The following RBMX2 variants were observed in gnomAD, a reference collection of about 807,000 sequenced individuals.
RBMX2 encodes RNA-binding motif protein, X-linked 2.
For missense variants in RBMX2, 191 were observed against 256.0 expected (o/e 0.75, Z 1.73); for synonymous variants, 77 against 94.3 (o/e 0.82, Z 1.07).
Position 130,413,039 on chromosome X carries a change from T to C in RBMX2, c.*191T>C. On this transcript the variant is annotated 3_prime_UTR_variant, in exon 6 of 6. Transcript: ENST00000305536. ...TCCTGGATATTGTTTGCACCATCCATTGTCCCTGTACCAGAGTATGTATCC... is the reference window on the plus strand; with the variant it reads ...TCCTGGATATTGTTTGCACCATCCACTGTCCCTGTACCAGAGTATGTATCC... 1 of 421,261 alleles carries C rather than the reference T, an allele frequency of 2.4e-6. No individual in the cohort carries two copies. Among genetic ancestry groups the C allele is most frequent in the Non-Finnish European group, 4.0e-6 (1 of 251,971 alleles). 34.7% of individuals were successfully genotyped at this position (421,261 alleles called of 1,213,427 possible). A position where few individuals can be genotyped will look rare whatever the true frequency, so the allele number is the denominator to read the frequency against.
Position 130,413,651 on chromosome X carries a change from A to G in RBMX2, c.*803A>G, listed in dbSNP as rs2034526612. On this transcript the variant is annotated 3_prime_UTR_variant, in exon 6 of 6. Transcript: ENST00000305536. ...CTGGATCTTTCATAAAAATGGAATT[A>G]CACAATTGTGGCCTTTTGTGTCTGG... Among the ~76,000 whole-genome samples the G allele has an allele frequency of 9.5e-6, 1 of 105,337 alleles. No homozygotes were observed. The highest frequency in any genetic ancestry group is 1.9e-5 in the Non-Finnish European group (1 of 51,866). 91.5% of individuals were successfully genotyped at this position (105,337 alleles called of 115,157 possible). A position where few individuals can be genotyped will look rare whatever the true frequency, so the allele number is the denominator to read the frequency against.
chrX:130,402,048 A>C lies in RBMX2; in HGVS notation c.5+11A>C. ...ACCCGAGGAGATGAAGTAAGGCGTC[A>C]GCTTCCTTTTGAGGAAGGAGCAGCG... On this transcript the variant is annotated intron_variant, in intron 1 of 5. Coordinates refer to ENST00000305536, the MANE Select transcript of RBMX2 (RefSeq NM_016024.4). 4.2e-6 allele frequency: 5 copies of C among 1,198,740 alleles called. No individual in the cohort carries two copies. Among genetic ancestry groups the C allele is most frequent in the Non-Finnish European group, 4.5e-6 (4 of 888,768 alleles).
chrX:130,412,898 A>G lies in RBMX2; in HGVS notation c.*50A>G, dbSNP rs1256226876. On this transcript the variant is annotated 3_prime_UTR_variant, in exon 6 of 6. Coordinates refer to ENST00000305536, the MANE Select transcript of RBMX2 (RefSeq NM_016024.4). ...GGAAATAATTATGTTTTTTAAATGC[A>G]GTCAAATTCAGTTGGGTGGTTACTA... The G allele has an allele frequency of 9.1e-7, 1 of 1,097,482 alleles. No individual in the cohort carries two copies. Among genetic ancestry groups the G allele is most frequent in the African/African-American group, 1.9e-5 (1 of 53,708 alleles). 90.4% of individuals were successfully genotyped at this position (1,097,482 alleles called of 1,213,427 possible). A position where few individuals can be genotyped will look rare whatever the true frequency, so the allele number is the denominator to read the frequency against.
At chrX:130,402,198 C>T (rs866379651) in intron 1 of RBMX2, 57 bp from the exon 2 acceptor site, 5 of 1,178,801 alleles carry the variant, frequency 4.2e-6, no homozygotes, top group South Asian at 3.8e-5. Context: ...CCGGCCGGTT[C>T]GCACTTACTT....
In RBMX2 at chrX:130,413,467, C is replaced by T. The variant is rs902273541; in HGVS notation, c.*619C>T. ...TTCAGTGGCATTTGGTACTGAACAT[C>T]CACAGTGTTGTGTAACCATTGCCTC... is the stretch of plus-strand genomic sequence containing the variant. On this transcript the variant is annotated 3_prime_UTR_variant, in exon 6 of 6. Coordinates refer to ENST00000305536, the MANE Select transcript of RBMX2 (RefSeq NM_016024.4). The T allele has an allele frequency of 4.5e-5, 5 of 111,242 alleles. No individual in the cohort carries two copies. Among genetic ancestry groups the T allele is most frequent in the African/African-American group, 1.6e-4 (5 of 30,522 alleles). 9.2% of individuals were successfully genotyped at this position (111,242 alleles called of 1,213,427 possible).
chrX:130,402,017 G>C lies in RBMX2; in HGVS notation c.-16G>C. ...CCGGGCGCTGATTCCTGAGTGCTGA[G>C]CGCGAACCCGAGGAGATGAAGTAAG... On this transcript the variant is annotated 5_prime_UTR_variant, in exon 1 of 6. Coordinates refer to ENST00000305536, the MANE Select transcript of RBMX2 (RefSeq NM_016024.4). The C allele has an allele frequency of 8.4e-7, 1 of 1,196,695 alleles. No homozygotes were observed.
intron 3 of RBMX2, among the ~76,000 whole-genome samples, chrX:130,405,362 G>A (rs2034478763): frequency 9.2e-6 from 1 of 108,142 alleles, no homozygotes; most frequent in East Asian, 2.9e-4. Flanking sequence ...CTGGGGGATA[G>A]AGCAAGACTC....
intron 2 of RBMX2, among the ~76,000 whole-genome samples, chrX:130,402,591 C>G (rs1417055102): frequency 8.9e-6 from 1 of 112,114 alleles, no homozygotes; most frequent in Non-Finnish European, 1.9e-5. Flanking sequence ...TTGCCATTTG[C>G]TGTGCTAAGG....
At chrX:130,409,642 C>G (rs2034502642) in intron 4 of RBMX2, among the ~76,000 whole-genome samples, 1 of 111,822 alleles carries the variant, frequency 8.9e-6, no homozygotes, top group African/African-American at 3.3e-5. Context: ...AGGCCTGCCT[C>G]TCATCCAGGC....
At chrX:130,405,126 C>G (rs2034477607) in intron 3 of RBMX2, among the ~76,000 whole-genome samples, 1 of 111,882 alleles carries the variant, frequency 8.9e-6, no homozygotes, top group Admixed American at 9.5e-5. Flanking sequence ...CGCTTGTAAT[C>G]CCAGCACTTT....
chrX:130,410,891 T>C (rs1456591836), intron 4 of RBMX2, among the ~76,000 whole-genome samples: 1 of 112,103 alleles, frequency 8.9e-6, no homozygotes, highest in East Asian at 2.8e-4. Flanking sequence ...GAGAAAGCAG[T>C]TGTAGCATTA....
chrX:130,411,603 ATCAAC>A lies in RBMX2; in HGVS notation c.481+83_481+87del. ...TCCTTGCATTCACTGATAGTTGATA[ATCAAC>A]TCAAGTGTGAAAGGGGAAGGTGTGG... On this transcript the variant is annotated intron_variant, in intron 5 of 5. Coordinates refer to ENST00000305536, the MANE Select transcript of RBMX2 (RefSeq NM_016024.4). 7 of 942,640 alleles carry A rather than the reference ATCAAC, an allele frequency of 7.4e-6. No individual in the cohort carries two copies. In the South Asian group the frequency reaches 1.9e-4, roughly 25 times the overall value. The allele number at this position is 942,640 out of a possible 1,213,427, so 77.7% of individuals were successfully genotyped here.
At chrX:130,409,985 T>G (rs968077440) in intron 4 of RBMX2, among the ~76,000 whole-genome samples, 2 of 112,595 alleles carry the variant, frequency 1.8e-5, no homozygotes, top group Non-Finnish European at 3.8e-5. Context: ...TCAGGCTTAT[T>G]GATGCTCCAT....
rs1225482116 is a variant in RBMX2 at position 130,412,881 on chromosome X, T to C, written c.*33T>C. The C allele has an allele frequency of 2.6e-6, 3 of 1,152,571 alleles. No individual in the cohort carries two copies. The highest frequency in any genetic ancestry group is 3.5e-6 in the Non-Finnish European group (3 of 865,164). The allele number at this position is 1,152,571 out of a possible 1,213,427, so 95.0% of individuals were successfully genotyped here. ...AGCTGCACAGTAGATTTGGAAATAA[T>C]TATGTTTTTTAAATGCAGTCAAATT... On this transcript the variant is annotated 3_prime_UTR_variant, in exon 6 of 6. Transcript: ENST00000305536.
At chrX:130,402,225 A>AGCCCCCCC in intron 1 of RBMX2, 30 bp from the exon 2 acceptor site, 29 of 984,766 alleles carry the variant, frequency 2.9e-5, no homozygotes, top group Non-Finnish European at 3.8e-5. Flanking sequence ...TTTTCTGCCT[A>AGCCCCCCC]CCCTCCCCAC....
rs894032621 is a variant in RBMX2, at chrX:130,403,974, G to A, written c.173+121G>A. On this transcript the variant is annotated intron_variant, in intron 3 of 5. Coordinates refer to ENST00000305536, the MANE Select transcript of RBMX2 (RefSeq NM_016024.4). Reference sequence around the variant, plus strand: ...TAGGCTGAATGGCATCCCTGCATGGGGAGGGCTGGAGCTTCTGTTCTAGAT... The same window carrying A: ...TAGGCTGAATGGCATCCCTGCATGGAGAGGGCTGGAGCTTCTGTTCTAGAT... The A allele has an allele frequency of 3.3e-5, 22 of 661,936 alleles. No individual in the cohort carries two copies. In the African/African-American group the frequency reaches 4.5e-4, roughly 13 times the overall value. 54.6% of individuals were successfully genotyped at this position (661,936 alleles called of 1,213,427 possible).
chrX:130,411,789 TCAG>T (rs2034513842), intron 5 of RBMX2, among the ~76,000 whole-genome samples: 1 of 110,797 alleles, frequency 9.0e-6, no homozygotes, highest in Admixed American at 9.5e-5. Context: ...AAGAGGTAAC[TCAG>T]GATGGGAATT....
Position 130,412,167 on chromosome X carries a change from C to A in RBMX2, c.482-194C>A, listed in dbSNP as rs754808260. ...GGTCTTGATCTCCTGACCTCGTGATCCGCCTGTCTTGGCCTCCCAAAGTGC... is the reference window on the plus strand; with the variant it reads ...GGTCTTGATCTCCTGACCTCGTGATACGCCTGTCTTGGCCTCCCAAAGTGC... On this transcript the variant is annotated intron_variant, in intron 5 of 5. Coordinates refer to ENST00000305536, the MANE Select transcript of RBMX2 (RefSeq NM_016024.4). Among the ~76,000 whole-genome samples, 22 of 107,751 alleles carry A rather than the reference C, an allele frequency of 2.0e-4. No individual in the cohort carries two copies. The East Asian group carries it at 4.7e-3, about 23-fold the overall frequency. The allele number at this position is 107,751 out of a possible 115,157, so 93.6% of individuals were successfully genotyped here. A position where few individuals can be genotyped will look rare whatever the true frequency, so the allele number is the denominator to read the frequency against.
chrX:130,402,380 A>G lies in RBMX2; in HGVS notation c.121+10A>G. 1 of 1,205,434 alleles carries G rather than the reference A, an allele frequency of 8.3e-7. No homozygotes were observed. The highest frequency in any genetic ancestry group is 1.1e-6 in the Non-Finnish European group (1 of 892,514). ...GCCTGGATCTTCCTGGGTGAGGTCC[A>G]CATCTTTCTTCCTCAGTGCTCTCCA... On this transcript the variant is annotated intron_variant, in intron 2 of 5. Coordinates refer to ENST00000305536, the MANE Select transcript of RBMX2 (RefSeq NM_016024.4).
Sources: gnomAD v4.1 joint callset for allele counts (sites outside exome capture counted in the v4.1 genomes callset) on GRCh38, gnomAD v4.1.1 for gene constraint, MANE v1.5 for transcripts, NCBI Gene and HGNC (gene_info 2026-07-23, HGNC 2026-07-21) for gene names.